KCTD19: variants seen among roughly 807,000 people sequenced by gnomAD.
KCTD19 encodes BTB/POZ domain-containing protein KCTD19.
In KCTD19, 67 loss-of-function variants were observed where a neutral mutation model predicts 103.5. The ratio of observed to expected loss-of-function variants is 0.65; its 90% confidence interval spans 0.53 to 0.79. KCTD19 has a LOEUF of 0.79. Among genes scored for constraint, KCTD19 ranks in the 30% least tolerant of loss-of-function variants. KCTD19 has a pLI of 0.00. For synonymous variants in KCTD19, 439 were observed against 452.2 expected, an observed-to-expected ratio of 0.97 and a Z score of 0.37; for missense variants, 980 against 1,136.1, an observed-to-expected ratio of 0.86 and a Z score of 1.98.
rs2036765552 is a variant in KCTD19, at chr16:67,296,375, T to C, written c.1148-116A>G. On this transcript the variant is annotated intron_variant, in intron 7 of 15. Coordinates refer to ENST00000304372, the MANE Select transcript of KCTD19 (RefSeq NM_001100915.3). ...GTCTCAATATCTTTCCTCAGTCATA[T>C]TGTGTTGCCTAGTCTGAGAAGCAGC... The C allele has an allele frequency of 1.3e-5, 9 of 701,116 alleles. No individual in the cohort carries two copies. The Admixed American group carries it at 1.6e-4, about 12-fold the overall frequency. 43.4% of individuals were successfully genotyped at this position (701,116 alleles called of 1,614,324 possible).
At chr16:67,309,946 A>C (rs2036932801) in intron 2 of KCTD19, among the ~76,000 whole-genome samples, 1 of 152,188 alleles carries the variant, frequency 6.6e-6, no homozygotes. Flanking sequence ...ATGCCCAAGA[A>C]ATCTTAAAAA....
rs768302890 is a variant in KCTD19, at chr16:67,297,578, T to A, written c.1072A>T (p.Ile358Phe). 6.2e-7 allele frequency: 1 copy of A among 1,614,120 alleles called. No homozygotes were observed. Among genetic ancestry groups the A allele is most frequent in the Non-Finnish European group, 8.5e-7 (1 of 1,180,020 alleles). The change falls in exon 7 of 16, where the codon ATC (isoleucine) becomes TTC (phenylalanine). Residue 358 changes from isoleucine (I) to phenylalanine (F), a missense_variant. By Grantham distance (21) the Ile-to-Phe change is conservative. Transcript: ENST00000304372. ...ELCAFLDKRDITYEPIKVALK... is the reference protein window; with the variant it reads ...ELCAFLDKRDFTYEPIKVALK... ...GCAACTTTGATTGGCTCGTAGGTGA[T>A]GTCCCTTTTGTCTAGGAAGGCACAG...
At chr16:67,325,207 C>CTTTTTTTTTTTTTTTTTTTTTTTTTT (rs10695930) in intron 1 of KCTD19, among the ~76,000 whole-genome samples, 4 of 113,174 alleles carry the variant, frequency 3.5e-5, no homozygotes, top group Admixed American at 8.8e-5. Flanking sequence ...TTCTTTTTTT[C>CTTTTTTTTTTTTTTTTTTTTTTTTTT]TTTTTTTTTT....
At chr16:67,313,645 G>T (rs1319359304) in intron 2 of KCTD19, among the ~76,000 whole-genome samples, 5 of 151,954 alleles carry the variant, frequency 3.3e-5, no homozygotes, top group Middle Eastern at 3.2e-3. Flanking sequence ...CTGGAGTGCA[G>T]TGGCATGATC....
chr16:67,304,603 A>T, intron 2 of KCTD19, 32 bp from the exon 3 acceptor site: 1 of 1,581,562 alleles, frequency 6.3e-7, no homozygotes, highest in Non-Finnish European at 8.7e-7. Flanking sequence ...TATCTTGAGA[A>T]TCTAAACCAA....
intron 8 of KCTD19, chr16:67,295,896 C>A: frequency 2.3e-6 from 1 of 427,646 alleles, no homozygotes; most frequent in Non-Finnish European, 4.4e-6. Flanking sequence ...AGGCACGTGC[C>A]ATCACACCCA....
intron 9 of KCTD19, 99 bp from the exon 10 acceptor site, chr16:67,295,155 G>T: frequency 6.4e-7 from 1 of 1,565,340 alleles, no homozygotes; most frequent in Non-Finnish European, 8.8e-7. Flanking sequence ...TTCCCACGAT[G>T]GAAATAAAAT....
Position 67,295,008 on chromosome 16 carries a change from G to A in KCTD19, c.1440C>T (p.Ser480=), listed in dbSNP as rs779196947. The A allele has an allele frequency of 6.2e-7, 1 of 1,613,940 alleles. No homozygotes were observed. Among genetic ancestry groups the A allele is most frequent in the South Asian group, 1.1e-5 (1 of 91,068 alleles). Residue 480 remains serine, a synonymous_variant, in exon 10 of 16, where the codon TCC becomes TCT. Coordinates refer to ENST00000304372, the MANE Select transcript of KCTD19 (RefSeq NM_001100915.3). ...CQEVEEYHIP[S]LSEALAQCEA... The stretch of plus-strand genomic sequence containing the variant: ...CACATTGTGCAAGGGCTTCTGAGAG[G>A]GATGGAATGTGGTATTCCTCCACCT...
At position 67,293,644 on chromosome 16, in the gene KCTD19, T is replaced by A. The variant is rs2036726135; in HGVS notation, c.2118A>T (p.Gly706=). Reference sequence around the variant, plus strand: ...TTGGCTCTGGCCCCTTGTCTTTCGCTCCAGCTCCAGCCCCTGCCTGTGGTC... The same window carrying A: ...TTGGCTCTGGCCCCTTGTCTTTCGCACCAGCTCCAGCCCCTGCCTGTGGTC... ...DPGPQAGAGA[G]AKDKGPEPTF... Residue 706 remains glycine, a synonymous_variant, in exon 12 of 16, where the codon GGA becomes GGT. Transcript: ENST00000304372. The surrounding 1 kb of genome is among the most constrained non-coding windows in gnomAD (Gnocchi z 4.0). 1 of 1,613,866 alleles carries A rather than the reference T, an allele frequency of 6.2e-7. No individual in the cohort carries two copies.
Position 67,293,486 on chromosome 16 carries a change from A to G in KCTD19, c.2218+58T>C. 1 of 1,565,052 alleles carries G rather than the reference A, an allele frequency of 6.4e-7. No individual in the cohort carries two copies. Among genetic ancestry groups the G allele is most frequent in the Non-Finnish European group, 8.7e-7 (1 of 1,152,446 alleles). On this transcript the variant is annotated intron_variant, in intron 12 of 15. Transcript: ENST00000304372. This position sits in a 1 kb window ranked among gnomAD's most constrained non-coding sequence, Gnocchi z 4.0. ...ACTAACTTGCTCTGCCATCTTGGCC[A>G]AAGAGTTTGCCTTCTCTGTTGTGAA... is the stretch of plus-strand genomic sequence containing the variant.
At position 67,300,670 on chromosome 16, in the gene KCTD19, G is replaced by C. The variant is rs937648018; in HGVS notation, c.776-1097C>G. ...GAGGATGGGTTTCTTTTTTGAGAAG[G>C]AGTCTCACTCTGTTGCCCAGGCTTG... On this transcript the variant is annotated intron_variant, in intron 5 of 15. Coordinates refer to ENST00000304372, the MANE Select transcript of KCTD19 (RefSeq NM_001100915.3). This position sits in a 1 kb window ranked among gnomAD's most constrained non-coding sequence, Gnocchi z 4.5. 6.6e-6 allele frequency: 1 copy of C among 152,360 alleles called. No homozygotes were observed. Among genetic ancestry groups the C allele is most frequent in the Admixed American group, 6.6e-5 (1 of 15,266 alleles). The allele number at this position is 152,360 out of a possible 1,614,324, so 9.4% of individuals were successfully genotyped here. A position where few individuals can be genotyped will look rare whatever the true frequency, so the allele number is the denominator to read the frequency against.
chr16:67,304,686 C>T (rs1157563204), intron 2 of KCTD19, 115 bp from the exon 3 acceptor site: 2 of 881,492 alleles, frequency 2.3e-6, no homozygotes, highest in Non-Finnish European at 3.5e-6. Context: ...TTTTTTGAGA[C>T]AGAGTCTCGT....
In KCTD19 at chr16:67,301,879, G is replaced by A; in HGVS notation, c.687C>T (p.Phe229=). Residue 229 remains phenylalanine (F), a synonymous_variant, in exon 5 of 16, where the codon TTC becomes TTT. Coordinates refer to ENST00000304372, the MANE Select transcript of KCTD19 (RefSeq NM_001100915.3). ...CTGCTTCTAATACATCAATGTTGGA[G>A]AAATTATCCGGTAGTAAAATCTTCT... ...RSQKILLPDN[F]SNIDVLEAEV... The A allele has an allele frequency of 2.5e-6, 4 of 1,613,246 alleles. No individual in the cohort carries two copies. The highest frequency in any genetic ancestry group is 3.4e-6 in the Non-Finnish European group (4 of 1,179,204).
At position 67,290,479 on chromosome 16, in the gene KCTD19, AAG is replaced by A. The variant is rs1361492683; in HGVS notation, c.2667+404_2667+405del. On this transcript the variant is annotated intron_variant, in intron 15 of 15. Transcript: ENST00000304372. Reference sequence around the variant, plus strand: ...AGGCGTGAGCCACCGCGCCCGGCCTAAGAATGCTTAAAAGTAGTTTAGAAATG... The same window carrying A: ...AGGCGTGAGCCACCGCGCCCGGCCTAAATGCTTAAAAGTAGTTTAGAAATG... 3.3e-5 allele frequency among the ~76,000 whole-genome samples: 5 copies of A among 152,284 alleles called. No homozygotes were observed. In the East Asian group the frequency reaches 9.7e-4, roughly 29 times the overall value.
Position 67,326,739 on chromosome 16 carries a change from T to A in KCTD19, c.-32A>T. The A allele has an allele frequency of 6.4e-7, 1 of 1,564,008 alleles. No individual in the cohort carries two copies. Among genetic ancestry groups the A allele is most frequent in the South Asian group, 1.1e-5 (1 of 87,360 alleles). Reference sequence around the variant, plus strand: ...GGCTCCAGCAGCGGGCGGGCGGGCTTGTGACCCGGCCAATAACGGTTCCCG... The same window carrying A: ...GGCTCCAGCAGCGGGCGGGCGGGCTAGTGACCCGGCCAATAACGGTTCCCG... On this transcript the variant is annotated 5_prime_UTR_variant, in exon 1 of 16. Transcript: ENST00000304372.
At chr16:67,311,351 C>T (rs1240272695) in intron 2 of KCTD19, among the ~76,000 whole-genome samples, 1 of 151,946 alleles carries the variant, frequency 6.6e-6, no homozygotes, top group African/African-American at 2.4e-5. Flanking sequence ...AGCTAGAGTG[C>T]AGTGGCACAA....
intron 11 of KCTD19, among the ~76,000 whole-genome samples, 194 bp downstream of exon 11, chr16:67,294,386 G>A (rs188054652): frequency 2.0e-5 from 3 of 152,358 alleles, no homozygotes; most frequent in East Asian, 1.9e-4. Context: ...AATCAGCATC[G>A]CAGGCCACAA....
rs572197298 is a variant in KCTD19, at chr16:67,316,089, C to T, written c.300+4500G>A. 1.7e-4 allele frequency among the ~76,000 whole-genome samples: 26 copies of T among 152,146 alleles called. 1 individual carries two copies. Among genetic ancestry groups the T allele is most frequent in the Non-Finnish European group, 3.4e-4 (23 of 68,022 alleles). On this transcript the variant is annotated intron_variant, in intron 2 of 15. Transcript: ENST00000304372. ...CAAGGTCTAGCTCTGTCACCCTGGC[C>T]GAAGTGCAGTGGTGCAAATATGGCT...
intron 1 of KCTD19, chr16:67,326,489 C>T: frequency 1.8e-6 from 1 of 561,774 alleles, no homozygotes; most frequent in Non-Finnish European, 2.9e-6. Flanking sequence ...CCGGAGTCCC[C>T]CACATCCTCA....
Sources: gnomAD v4.1 joint callset for allele counts (sites outside exome capture counted in the v4.1 genomes callset) on GRCh38, gnomAD v4.1.1 for gene constraint, Gnocchi (gnomAD v3.1) non-coding constraint, MANE v1.5 for transcripts, NCBI Gene and HGNC (gene_info 2026-07-23, HGNC 2026-07-21) for gene names.